Variants in OR51B5 observed in about 807,000 individuals in gnomAD.
OR51B5 encodes olfactory receptor 51B5.
For synonymous variants in OR51B5, 186 were observed against 144.8 expected, an observed-to-expected ratio of 1.28 and a Z score of -2.04; for missense variants, 456 against 374.6, an observed-to-expected ratio of 1.22 and a Z score of -1.79.
chr11:5,376,214 T>G (rs1849525573), intron 1 of OR51B5, among the ~76,000 whole-genome samples: 1 of 151,948 alleles, frequency 6.6e-6, no homozygotes, highest in African/African-American at 2.4e-5. Flanking sequence ...GAATGACTAC[T>G]GGGTACATAA....
intron 1 of OR51B5, among the ~76,000 whole-genome samples, chr11:5,425,854 C>G (rs778855939): frequency 1.6e-4 from 24 of 152,044 alleles, no homozygotes; most frequent in Non-Finnish European, 2.2e-4. Context: ...AGAAGCTAGC[C>G]TAGCCTGCTA....
chr11:5,498,518 T>C (rs531323107), intron 1 of OR51B5, among the ~76,000 whole-genome samples: 280 of 151,500 alleles, frequency 1.8e-3, no homozygotes, highest in Non-Finnish European at 3.3e-3. Flanking sequence ...TTCTTCAAGG[T>C]AAAAAAAAAT....
chr11:5,430,986 G>A (rs1041157218), intron 1 of OR51B5: 7 of 456,992 alleles, frequency 1.5e-5, no homozygotes, highest in Admixed American at 7.0e-5. Context: ...CGAAATTTGC[G>A]AGAACAATGG....
intron 1 of OR51B5, chr11:5,453,944 C>T (rs750257155): frequency 6.2e-7 from 1 of 1,614,172 alleles, no homozygotes; most frequent in South Asian, 1.1e-5. Flanking sequence ...CTGCTCGAAG[C>T]TTCATCACCC....
intron 1 of OR51B5, chr11:5,488,577 A>G: frequency 2.7e-6 from 2 of 727,566 alleles, no homozygotes; most frequent in Non-Finnish European, 2.2e-6. Flanking sequence ...AGTGAAAAAC[A>G]AATTTTTTTA....
intron 1 of OR51B5, chr11:5,431,158 C>T: frequency 2.6e-6 from 1 of 383,360 alleles, no homozygotes; most frequent in East Asian, 7.2e-5. Flanking sequence ...CAGTGTAATG[C>T]CCAGACCCAT....
intron 1 of OR51B5, among the ~76,000 whole-genome samples, chr11:5,415,719 A>G (rs1438985664): frequency 6.6e-6 from 1 of 152,046 alleles, no homozygotes; most frequent in Admixed American, 6.6e-5. Context: ...TGCCAAGACT[A>G]AACCAGGAAG....
chr11:5,482,760 T>A (rs1213032692), intron 1 of OR51B5, among the ~76,000 whole-genome samples: 1 of 71,618 alleles, frequency 1.4e-5, no homozygotes, highest in African/African-American at 6.0e-5. Flanking sequence ...GAAAAAATGC[T>A]CATCATCACT....
chr11:5,351,663 CCT>C (rs747120770), intron 1 of OR51B5: 2 of 1,614,126 alleles, frequency 1.2e-6, no homozygotes, highest in Admixed American at 1.7e-5. Context: ...ATGATCATAA[CCT>C]CCATGAGCCC....
At chr11:5,401,428 C>T (rs572428008) in intron 1 of OR51B5, among the ~76,000 whole-genome samples, 37 of 152,300 alleles carry the variant, frequency 2.4e-4, no homozygotes, top group African/African-American at 8.4e-4. Context: ...TAGTTGACTC[C>T]TAGAATTTTC....
intron 1 of OR51B5, chr11:5,422,672 G>T (rs145007917): frequency 1.2e-6 from 2 of 1,614,028 alleles, no homozygotes; most frequent in Non-Finnish European, 1.7e-6. Context: ...TGTTCTGGCG[G>T]TTCTTCCCTC....
intron 1 of OR51B5, among the ~76,000 whole-genome samples, chr11:5,458,597 G>A (rs769838267): frequency 1.3e-5 from 2 of 152,134 alleles, no homozygotes; most frequent in Non-Finnish European, 2.9e-5. Context: ...GGCATGAAAT[G>A]TTTTCCCATT....
intron 1 of OR51B5, among the ~76,000 whole-genome samples, chr11:5,384,952 G>A (rs972495417): frequency 3.3e-5 from 5 of 152,122 alleles, no homozygotes; most frequent in Admixed American, 2.0e-4. Flanking sequence ...TAGGTGCAGC[G>A]TCTTTTGCAT....
chr11:5,502,277 C>T (rs1846305655), intron 1 of OR51B5, among the ~76,000 whole-genome samples: 1 of 152,196 alleles, frequency 6.6e-6, no homozygotes, highest in Non-Finnish European at 1.5e-5. Context: ...ACTCACCTGT[C>T]TTTCCCACAT....
At chr11:5,441,037 G>A in intron 1 of OR51B5, 1 of 1,613,916 alleles carries the variant, frequency 6.2e-7, no homozygotes, top group Non-Finnish European at 8.5e-7. Context: ...AAAGGGAAAG[G>A]GAAGAGAGTG....
chr11:5,483,526 A>C (rs1178932430), intron 1 of OR51B5, among the ~76,000 whole-genome samples: 3 of 148,230 alleles, frequency 2.0e-5, no homozygotes, highest in Non-Finnish European at 4.4e-5. Context: ...AAAGAAAAGA[A>C]AAGAAAAGAA....
chr11:5,495,393 A>C (rs1851634032), intron 1 of OR51B5, among the ~76,000 whole-genome samples: 1 of 152,236 alleles, frequency 6.6e-6, no homozygotes, highest in South Asian at 2.1e-4. Context: ...AAAAATATCT[A>C]TATGATAATT....
At chr11:5,351,683 A>G in intron 1 of OR51B5, 2 of 1,614,000 alleles carry the variant, frequency 1.2e-6, no homozygotes, top group African/African-American at 1.3e-5. Flanking sequence ...CCCATGTACT[A>G]TTTCTTAGCT....
intron 1 of OR51B5, among the ~76,000 whole-genome samples, chr11:5,407,952 G>C (rs909394968): frequency 6.6e-6 from 1 of 151,926 alleles, no homozygotes; most frequent in Non-Finnish European, 1.5e-5. Context: ...CAAAAGATTT[G>C]AGAGAATATA....
Sources: gnomAD v4.1 joint callset for allele counts (sites outside exome capture counted in the v4.1 genomes callset) on GRCh38, gnomAD v4.1.1 for gene constraint, MANE v1.5 for transcripts, NCBI Gene and HGNC (gene_info 2026-07-23, HGNC 2026-07-21) for gene names.